Variants in NUP107 observed in about 807,000 individuals in gnomAD.
NUP107 encodes nuclear pore complex protein Nup107.
In NUP107, 101 loss-of-function variants were observed where a neutral mutation model predicts 141.0. The ratio of observed to expected loss-of-function variants is 0.72; its 90% CI spans 0.61 to 0.84. The LOEUF (loss-of-function observed/expected upper bound fraction) is 0.84, where lower values mean the gene tolerates loss of function less well. NUP107 is among the 40% of genes least tolerant of loss of function. The pLI is 0.00. For synonymous variants in NUP107, 319 were observed against 363.9 expected (o/e 0.88, Z 1.41); for missense variants, 941 against 1,102.7 (o/e 0.85, Z 2.08).
In NUP107 at chr12:68,743,258, G is replaced by A. The variant is rs1235892347; in HGVS notation, c.*796G>A. The A allele has an allele frequency of 1.3e-5, 2 of 152,248 alleles. No individual in the cohort carries two copies. Among genetic ancestry groups the A allele is most frequent in the African/African-American group, 2.4e-5 (1 of 41,420 alleles). The allele number at this position is 152,248 out of a possible 1,614,324, so 9.4% of individuals were successfully genotyped here. On this transcript the variant is annotated 3_prime_UTR_variant, in exon 28 of 28. Coordinates refer to ENST00000229179, the MANE Select transcript of NUP107 (RefSeq NM_020401.4). ...ACTAAAAAAATACAAAAATTAGCCG[G>A]GCATGGTGGCAGGTGCCTGTAATCC...
At chr12:68,726,179 A>T (rs923378823) in intron 18 of NUP107, among the ~76,000 whole-genome samples, 2 of 151,980 alleles carry the variant, frequency 1.3e-5, no homozygotes, top group African/African-American at 4.8e-5. Flanking sequence ...TGAGTTCTTC[A>T]TTGTCTTATA....
chr12:68,704,880 TG>T (rs1221847238), intron 8 of NUP107, among the ~76,000 whole-genome samples: 1 of 151,884 alleles, frequency 6.6e-6, no homozygotes, highest in Admixed American at 6.6e-5. Flanking sequence ...TTTTCTTTTT[TG>T]GGGGGTGGCC....
chr12:68,713,823 A>G lies in NUP107; in HGVS notation c.969+15A>G. 1 of 1,584,196 alleles carries G rather than the reference A, an allele frequency of 6.3e-7. No individual in the cohort carries two copies. ...TCACTGAATTGGTAAATGTTCTTTG[A>G]AATGAAAGTTGCCTTCAAAGTTAAC... On this transcript the variant is annotated intron_variant, in intron 11 of 27. Transcript: ENST00000229179.
At chr12:68,688,884 C>A in intron 1 of NUP107, 78 bp from the exon 2 acceptor site, 1 of 1,103,150 alleles carries the variant, frequency 9.1e-7, no homozygotes, top group South Asian at 1.4e-5. Context: ...GGGTCCTTTA[C>A]TCCAACTGTG....
At chr12:68,705,690 C>T (rs1339447954) in intron 8 of NUP107, 3 of 644,906 alleles carry the variant, frequency 4.7e-6, no homozygotes, top group South Asian at 1.5e-5. Context: ...GCCCAAGGGC[C>T]TTCAGTAGCC....
chr12:68,700,911 A>C, intron 7 of NUP107, 58 bp downstream of exon 7: 1 of 1,436,588 alleles, frequency 7.0e-7, no homozygotes, highest in Non-Finnish European at 9.2e-7. Context: ...CCAACAGGCA[A>C]ATTAATTTAA....
At chr12:68,689,399 A>C (rs1010662279) in intron 2 of NUP107, 134 bp from the exon 3 acceptor site, 1 of 598,656 alleles carries the variant, frequency 1.7e-6, no homozygotes, top group Admixed American at 3.4e-5. Context: ...TACCCTTTGC[A>C]TTGAAAAATG....
At chr12:68,737,806 A>G (rs1192255526) in intron 26 of NUP107, among the ~76,000 whole-genome samples, 3 of 152,206 alleles carry the variant, frequency 2.0e-5, no homozygotes. Flanking sequence ...GGCATTGTTC[A>G]AGGCCCCTGC....
chr12:68,717,324 T>C (rs1378204112), intron 12 of NUP107, among the ~76,000 whole-genome samples: 1 of 152,202 alleles, frequency 6.6e-6, no homozygotes, highest in Non-Finnish European at 1.5e-5. Flanking sequence ...CTTATAGCCC[T>C]TTTTCTTTGG....
At chr12:68,699,007 G>A (rs1450811729) in intron 6 of NUP107, among the ~76,000 whole-genome samples, 2 of 152,112 alleles carry the variant, frequency 1.3e-5, no homozygotes, top group Non-Finnish European at 2.9e-5. Context: ...GATATTGATG[G>A]TGAGGGAGGC....
At position 68,690,740 on chromosome 12, in the gene NUP107, C is replaced by T. The variant is rs1036572270; in HGVS notation, c.297C>T (p.Leu99=). ...LTQSSGFFGN[L]SMVTNLDDSN... ...AGTCTTCAGGGTTCTTTGGAAATCT[C>T]TCCATGGTATGTAGAAAAATAGGGC... Residue 99 remains leucine (L), a synonymous_variant, in exon 4 of 28, where the codon CTC becomes CTT. Transcript: ENST00000229179. The T allele has an allele frequency of 6.2e-7, 1 of 1,614,040 alleles. No individual in the cohort carries two copies. The highest frequency in any genetic ancestry group is 1.1e-5 in the South Asian group (1 of 91,052).
chr12:68,738,511 G>A (rs1878174773), intron 26 of NUP107, among the ~76,000 whole-genome samples: 1 of 151,860 alleles, frequency 6.6e-6, no homozygotes. Flanking sequence ...CATGGCAAGT[G>A]CACACAATAT....
At chr12:68,725,837 G>GT (rs373666468) in intron 18 of NUP107, 41 bp downstream of exon 18, 84,616 of 608,090 alleles carry the variant, frequency 0.14, 1,362 homozygotes, top group East Asian at 0.21. Flanking sequence ...TTTTGTGTGT[G>GT]TTTTTTTTTT....
rs545277398 is a variant in NUP107, at chr12:68,735,330, G to T, written c.2488G>T (p.Val830Leu). The T allele has an allele frequency of 6.2e-7, 1 of 1,613,294 alleles. No homozygotes were observed. The highest frequency in any genetic ancestry group is 1.7e-5 in the Admixed American group (1 of 60,014). The change falls in exon 26 of 28, where the codon GTG becomes TTG. Residue 830 changes from valine (V) to leucine (L), a missense_variant. Val to Leu is a conservative substitution (Grantham distance 32). Transcript: ENST00000229179. Reference protein sequence around the residue: ...VLLFVDGGWMVDVREDAKEDH... With the variant: ...VLLFVDGGWMLDVREDAKEDH... ...GTTGTTTGTTGATGGAGGGTGGATG[G>T]TGGATGTTAGAGAGGTAAGCTGTGT...
At chr12:68,738,383 G>T (rs986741418) in intron 26 of NUP107, among the ~76,000 whole-genome samples, 1 of 151,800 alleles carries the variant, frequency 6.6e-6, no homozygotes, top group Non-Finnish European at 1.5e-5. Flanking sequence ...CCAGGGAGGC[G>T]GAGGTTTCAG....
chr12:68,687,169 G>T (rs1241344453), intron 1 of NUP107, 96 bp downstream of exon 1: 2 of 1,540,836 alleles, frequency 1.3e-6, no homozygotes, highest in Non-Finnish European at 1.8e-6. Flanking sequence ...AAGAAGCCAA[G>T]GAGGTCCCGG....
At chr12:68,687,204 C>T (rs550414908) in intron 1 of NUP107, 131 bp downstream of exon 1, 1 of 1,314,454 alleles carries the variant, frequency 7.6e-7, no homozygotes, top group Non-Finnish European at 1.1e-6. Context: ...GCTCCTTCCC[C>T]ATGCCGGGAA....
chr12:68,732,620 T>TC lies in NUP107; in HGVS notation c.1999-13dup. The TC allele has an allele frequency of 6.6e-7, 1 of 1,512,050 alleles. No individual in the cohort carries two copies. 93.7% of individuals were successfully genotyped at this position (1,512,050 alleles called of 1,614,324 possible). On this transcript the variant is annotated splice_polypyrimidine_tract_variant and intron_variant, in intron 22 of 27. Coordinates refer to ENST00000229179, the MANE Select transcript of NUP107 (RefSeq NM_020401.4). The stretch of plus-strand genomic sequence containing the variant: ...ACTCTGATATTCCTTTTTCTTTTTT[T>TC]CCCCTTTAATAAATAGGAGGATCGT...
chr12:68,714,499 A>T (rs1177653031), intron 11 of NUP107: 2 of 152,276 alleles, frequency 1.3e-5, no homozygotes, highest in African/African-American at 4.8e-5. Flanking sequence ...GAAAGAGACC[A>T]TGTTCCAAAA....
Sources: gnomAD v4.1 joint callset for allele counts (sites outside exome capture counted in the v4.1 genomes callset) on GRCh38, gnomAD v4.1.1 for gene constraint, MANE v1.5 for transcripts, NCBI Gene and HGNC (gene_info 2026-07-23, HGNC 2026-07-21) for gene names.